Variants in ENTREP1 observed in about 807,000 individuals in gnomAD.
The protein encoded by ENTREP1 is endosomal transmembrane epsin interactor 1.
At chr9:69,337,593 T>C in the ENTREP1 span, among the ~76,000 whole-genome samples, 1 of 152,204 alleles carries the variant, frequency 6.6e-6, no homozygotes, top group African/African-American at 2.4e-5. Flanking sequence ...CCTTTGTTTT[T>C]ATTTGCTATG....
the ENTREP1 span, among the ~76,000 whole-genome samples, chr9:69,354,779 C>G: frequency 2.0e-5 from 3 of 152,190 alleles, no homozygotes; most frequent in Non-Finnish European, 2.9e-5. Context: ...AGTTGTCTCT[C>G]TTTTTGTGAT....
chr9:69,358,545 AG>A, the ENTREP1 span, among the ~76,000 whole-genome samples: 1 of 152,124 alleles, frequency 6.6e-6, no homozygotes, highest in African/African-American at 2.4e-5. Context: ...GCTGCATATG[AG>A]GGGGAAAAAA....
At chr9:69,385,512 AC>A in the ENTREP1 span, among the ~76,000 whole-genome samples, 123,624 of 151,558 alleles carry the variant, frequency 0.82, 50,490 homozygotes, top group South Asian at 0.86. Flanking sequence ...GGAAAAAAAA[AC>A]CCCTGCCATT....
At chr9:69,330,169 G>A in the ENTREP1 span, among the ~76,000 whole-genome samples, 5 of 152,024 alleles carry the variant, frequency 3.3e-5, no homozygotes, top group Non-Finnish European at 5.9e-5. Flanking sequence ...GAGTTAGCTA[G>A]GTTCCACTGG....
chr9:69,375,639 G>A, the ENTREP1 span: 10 of 972,662 alleles, frequency 1.0e-5, no homozygotes, highest in African/African-American at 1.6e-5. Flanking sequence ...ACAGAACCCT[G>A]CCATCATCTC....
the ENTREP1 span, chr9:69,385,706 A>G: frequency 7.0e-7 from 1 of 1,426,802 alleles, no homozygotes; most frequent in Non-Finnish European, 9.1e-7. Flanking sequence ...TTAGGCTCCC[A>G]GGTGTTTCCT....
chr9:69,352,604 G>T, the ENTREP1 span, among the ~76,000 whole-genome samples: 14 of 152,316 alleles, frequency 9.2e-5, no homozygotes, highest in Non-Finnish European at 1.9e-4. Flanking sequence ...ACACAGAGAG[G>T]TTAAGTGATT....
At chr9:69,366,418 G>A in the ENTREP1 span, among the ~76,000 whole-genome samples, 1 of 127,200 alleles carries the variant, frequency 7.9e-6, no homozygotes, top group Non-Finnish European at 1.6e-5. Flanking sequence ...AGTTGTTTGA[G>A]TTTCTTGTAT....
At chr9:69,342,934 C>A in the ENTREP1 span, among the ~76,000 whole-genome samples, 2 of 152,232 alleles carry the variant, frequency 1.3e-5, no homozygotes, top group Non-Finnish European at 2.9e-5. Flanking sequence ...ACTTGGGATC[C>A]TCAGAAATTG....
chr9:69,350,418 A>G, the ENTREP1 span, among the ~76,000 whole-genome samples: 2 of 152,092 alleles, frequency 1.3e-5, no homozygotes, highest in Non-Finnish European at 1.5e-5. Context: ...CTTCTTGATC[A>G]TATTCTTTTT....
At chr9:69,354,254 A>ATTTTTTTTTTTTT in the ENTREP1 span, among the ~76,000 whole-genome samples, 4 of 105,648 alleles carry the variant, frequency 3.8e-5, no homozygotes, top group Non-Finnish European at 5.3e-5. Flanking sequence ...CTATTGCAAC[A>ATTTTTTTTTTTTT]TTTTTTTTTT....
At chr9:69,385,703 C>G in the ENTREP1 span, 3 of 1,426,174 alleles carry the variant, frequency 2.1e-6, no homozygotes, top group Non-Finnish European at 2.7e-6. Context: ...GGTTTAGGCT[C>G]CCAGGTGTTT....
chr9:69,377,339 ACT>A, the ENTREP1 span: 1 of 1,189,326 alleles, frequency 8.4e-7, no homozygotes, highest in Non-Finnish European at 1.3e-6. Flanking sequence ...TTGTTGAAGT[ACT>A]TAGTGGTGCC....
chr9:69,386,118 A>T, the ENTREP1 span: 1 of 486,656 alleles, frequency 2.1e-6, no homozygotes, highest in Non-Finnish European at 3.3e-6. Flanking sequence ...TTAGGAATAT[A>T]TATCTACCAT....
At chr9:69,384,427 T>A in the ENTREP1 span, among the ~76,000 whole-genome samples, 1 of 152,226 alleles carries the variant, frequency 6.6e-6, no homozygotes, top group South Asian at 2.1e-4. Flanking sequence ...CAGAGTTTGA[T>A]TGATATTCCT....
At chr9:69,374,497 T>G in the ENTREP1 span, among the ~76,000 whole-genome samples, 1 of 152,120 alleles carries the variant, frequency 6.6e-6, no homozygotes, top group Non-Finnish European at 1.5e-5. Flanking sequence ...CAGTGACTGG[T>G]GAATTTCTAC....
At chr9:69,343,646 C>T in the ENTREP1 span, among the ~76,000 whole-genome samples, 6 of 152,258 alleles carry the variant, frequency 3.9e-5, no homozygotes, top group African/African-American at 1.4e-4. Context: ...AAATCAAAAC[C>T]ACAATATCAA....
the ENTREP1 span, among the ~76,000 whole-genome samples, chr9:69,342,296 C>G: frequency 6.6e-6 from 1 of 152,148 alleles, no homozygotes; most frequent in Non-Finnish European, 1.5e-5. Flanking sequence ...TTGTCCAGTT[C>G]ACAATGAGTT....
At chr9:69,383,759 G>C in the ENTREP1 span, 1 of 1,614,126 alleles carries the variant, frequency 6.2e-7, no homozygotes, top group Admixed American at 1.7e-5. Flanking sequence ...ACCAGGAGCA[G>C]GTACTGTCTG....
Sources: allele counts gnomAD v4.1 joint callset (sites outside exome capture counted in the v4.1 genomes callset), GRCh38; gene constraint gnomAD v4.1.1; transcripts MANE v1.5; gene names NCBI Gene and HGNC (gene_info 2026-07-23, HGNC 2026-07-21).